CREM: variants seen among roughly 807,000 people sequenced by gnomAD.
The protein encoded by CREM is cAMP-responsive element modulator.
In CREM, 13 loss-of-function variants were observed where a neutral mutation model predicts 37.3. The observed-to-expected ratio is 0.35, with a 90% CI of 0.23 to 0.55. The LOEUF is 0.55. Among genes scored for constraint, CREM ranks in the 20% least tolerant of loss-of-function variants. CREM has a pLI of 0.88. For synonymous variants in CREM, 124 were observed against 120.2 expected, an observed-to-expected ratio of 1.03 and a Z score of -0.21; for missense variants, 296 against 362.3, an observed-to-expected ratio of 0.82 and a Z score of 1.49.
chr10:35,196,063 A>G (rs1367307506), intron 6 of CREM: 2 of 1,614,200 alleles, frequency 1.2e-6, no homozygotes, highest in East Asian at 2.2e-5. Context: ...ACTGTAATGC[A>G]TGAACAGAAC....
chr10:35,191,086 T>TTTTATTTATTTATTTATTTA (rs10528009), intron 6 of CREM, among the ~76,000 whole-genome samples: 8,960 of 147,982 alleles, frequency 0.061, 357 homozygotes, highest in South Asian at 0.14. Context: ...ACATTTTTCT[T>TTTTATTTATTTATTTATTTA]TTTATTTATT....
Position 35,148,465 on chromosome 10 carries a change from C to T in CREM, c.142C>T (p.Gln48Ter). Residue 48 changes from glutamine to a stop codon, truncating the protein, a stop_gained, in exon 3 of 8, where the codon CAA (glutamine) becomes TAA (stop). Coordinates refer to ENST00000685392, the MANE Select transcript of CREM (RefSeq NM_183011.2). LOFTEE classifies it high-confidence loss of function. ...KSAHVQTQTG[Q>*]NSIPALAQVA... ...TGCTCATGTGCAGACTCAGACTGGC[C>T]AAAATTCAATCCCTGCTTTAGCTCA... 6.2e-7 allele frequency: 1 copy of T among 1,612,366 alleles called. No homozygotes were observed. The highest frequency in any genetic ancestry group is 8.5e-7 in the Non-Finnish European group (1 of 1,179,286).
rs532871827 is a variant in CREM at position 35,157,169 on chromosome 10, A to T, written c.168+8678A>T. On this transcript the variant is annotated intron_variant, in intron 3 of 7. Transcript: ENST00000685392. ...CATATCATCATCTCAATACATGCAT[A>T]AAAAACATTTGAAAAATTCATTATT... 9.2e-5 allele frequency among the ~76,000 whole-genome samples: 14 copies of T among 152,328 alleles called. No individual in the cohort carries two copies. In the South Asian group the frequency reaches 2.5e-3, roughly 27 times the overall value.
intron 5 of CREM, chr10:35,179,692 T>C (rs1298488448): frequency 1.3e-5 from 2 of 159,386 alleles, no homozygotes; most frequent in African/African-American, 4.8e-5. Flanking sequence ...GTTTTCAATG[T>C]TTCACTACTC....
chr10:35,146,144 T>G (rs1490420136), intron 2 of CREM, among the ~76,000 whole-genome samples: 1 of 152,248 alleles, frequency 6.6e-6, no homozygotes, highest in African/African-American at 2.4e-5. Flanking sequence ...TATAGTTTAC[T>G]GGGGAAGGCC....
chr10:35,178,953 G>A lies in CREM; in HGVS notation c.233G>A (p.Arg78His), dbSNP rs759061714. 6.8e-6 allele frequency: 11 copies of A among 1,612,822 alleles called. No homozygotes were observed. Among genetic ancestry groups the A allele is most frequent in the Middle Eastern group, 1.7e-4 (1 of 6,048 alleles). The change falls in exon 4 of 8, where the codon CGT becomes CAT. Residue 78 changes from arginine (R) to histidine (H), a missense_variant. Coordinates refer to ENST00000685392, the MANE Select transcript of CREM (RefSeq NM_183011.2). ...GAAGGTGTAATTGATTCTCATAAACGTAGAGAAATCCTTTCACGAAGACCC... is the reference window on the plus strand; with the variant it reads ...GAAGGTGTAATTGATTCTCATAAACATAGAGAAATCCTTTCACGAAGACCC... Reference protein sequence around the residue: ...ESEGVIDSHKRREILSRRPSY... With the variant: ...ESEGVIDSHKHREILSRRPSY...
At chr10:35,196,107 C>G (rs749982688) in intron 6 of CREM, 6 of 1,614,054 alleles carry the variant, frequency 3.7e-6, no homozygotes, top group Non-Finnish European at 5.1e-6. Flanking sequence ...GTGGTAAGAT[C>G]GAGCCTCCTA....
chr10:35,134,055 G>GTTT (rs143726656), intron 1 of CREM, among the ~76,000 whole-genome samples: 2 of 131,530 alleles, frequency 1.5e-5, no homozygotes, highest in Non-Finnish European at 1.6e-5. Flanking sequence ...AAAGTTTTTT[G>GTTT]TTTTTTTTTT....
intron 3 of CREM, chr10:35,175,960 G>A (rs1232802140): frequency 1.9e-6 from 3 of 1,551,208 alleles, no homozygotes; most frequent in Non-Finnish European, 1.7e-6. Context: ...AGACACCACA[G>A]CCATGGGTTA....
At chr10:35,174,591 TCTTC>T (rs1239876645) in intron 3 of CREM, among the ~76,000 whole-genome samples, 1 of 152,192 alleles carries the variant, frequency 6.6e-6, no homozygotes, top group Non-Finnish European at 1.5e-5. Context: ...ACACACAAAG[TCTTC>T]CTTGAAAAAA....
intron 3 of CREM, among the ~76,000 whole-genome samples, chr10:35,149,704 C>G (rs2092433554): frequency 6.6e-6 from 1 of 152,032 alleles, no homozygotes; most frequent in African/African-American, 2.4e-5. Context: ...TTATATTAGG[C>G]CAGACTGGTG....
intron 7 of CREM, among the ~76,000 whole-genome samples, chr10:35,207,284 C>T (rs1403528060): frequency 6.6e-6 from 1 of 151,922 alleles, no homozygotes; most frequent in Non-Finnish European, 1.5e-5. Context: ...GTCCCAGCCA[C>T]TTGGGAGGCT....
chr10:35,162,673 G>A (rs116745541), intron 3 of CREM, among the ~76,000 whole-genome samples: 390 of 152,168 alleles, frequency 2.6e-3, no homozygotes, highest in African/African-American at 9.1e-3. Flanking sequence ...GGAAGCCGCT[G>A]TCATCCTTTA....
intron 5 of CREM, among the ~76,000 whole-genome samples, chr10:35,184,388 C>T (rs1429211115): frequency 6.6e-6 from 1 of 152,104 alleles, no homozygotes; most frequent in Non-Finnish European, 1.5e-5. Flanking sequence ...CAGTTTTCTC[C>T]TCAAATCTCT....
At chr10:35,194,330 A>G (rs1590331540) in intron 6 of CREM, among the ~76,000 whole-genome samples, 1 of 150,906 alleles carries the variant, frequency 6.6e-6, no homozygotes, top group African/African-American at 2.4e-5. Context: ...TTTAAAAAAA[A>G]TGTACAAATA....
intron 2 of CREM, among the ~76,000 whole-genome samples, chr10:35,144,304 C>T (rs984375315): frequency 2.6e-5 from 4 of 152,032 alleles, no homozygotes; most frequent in Admixed American, 2.6e-4. Context: ...TGTGGGGTTG[C>T]TTTTTGTGGT....
chr10:35,168,553 C>G (rs2093659684), intron 3 of CREM, among the ~76,000 whole-genome samples: 1 of 152,066 alleles, frequency 6.6e-6, no homozygotes, highest in Non-Finnish European at 1.5e-5. Context: ...TAGGTTGCCT[C>G]TTCACTTTGA....
At chr10:35,179,683 T>C (rs1007380288) in intron 5 of CREM, 4 of 161,026 alleles carry the variant, frequency 2.5e-5, no homozygotes, top group African/African-American at 9.6e-5. Context: ...CTAAAGTATG[T>C]TTTCAATGTT....
intron 6 of CREM, among the ~76,000 whole-genome samples, chr10:35,188,974 A>G (rs1213385): frequency 0.77 from 116,610 of 152,012 alleles, 45,570 homozygotes; most frequent in East Asian, 0.92. Flanking sequence ...GCACCCGGCC[A>G]CATGAATGAA....
Sources: gnomAD v4.1 joint callset for allele counts (sites outside exome capture counted in the v4.1 genomes callset) on GRCh38, gnomAD v4.1.1 for gene constraint, MANE v1.5 for transcripts, NCBI Gene and HGNC (gene_info 2026-07-23, HGNC 2026-07-21) for gene names.